The following DLC1 variants were observed in gnomAD, a reference collection of about 807,000 sequenced individuals.
The protein encoded by DLC1 is DLC1 Rho GTPase activating protein.
DLC1 carries 54 observed loss-of-function variants against 140.3 expected under a neutral mutation model. The observed-to-expected ratio is 0.38, with a 90% CI of 0.31 to 0.48. The LOEUF (loss-of-function observed/expected upper bound fraction) is 0.48, where lower values mean the gene tolerates loss of function less well. Ranked by LOEUF, DLC1 falls within the 20% of genes least tolerant of loss-of-function variation. The probability of loss-of-function intolerance (pLI) is 0.96; values close to 1 mark genes in which losing one functional copy is unlikely to be tolerated. For synonymous variants in DLC1, 986 were observed against 728.1 expected (o/e 1.35, Z -5.70); for missense variants, 2,536 against 1,907.0 (o/e 1.33, Z -6.14).
rs1210476389 is a variant in DLC1 at position 13,099,442 on chromosome 8, G to A, written c.2895C>T (p.Asp965=). 1 of 1,614,142 alleles carries A rather than the reference G, an allele frequency of 6.2e-7. No homozygotes were observed. The highest frequency in any genetic ancestry group is 2.2e-5 in the East Asian group (1 of 44,872). Residue 965 remains aspartate, a synonymous_variant, in exon 9 of 18, where the codon GAC becomes GAT. Transcript: ENST00000276297. ...GTTCATTCAGGGAGTTGCCTGTGCT[G>A]TCCAGGTCGCTGGGTGTGGTTCGGT... ...DNDRTTPSDL[D]STGNSLNEPE...
At chr8:13,568,808 G>A (rs922713686) in intron 1 of DLC1, among the ~76,000 whole-genome samples, 1 of 152,206 alleles carries the variant, frequency 6.6e-6, no homozygotes, top group Non-Finnish European at 1.5e-5. Context: ...AGATGATTTA[G>A]TCATGTATTG....
chr8:13,247,120 G>A (rs907911811), intron 5 of DLC1, among the ~76,000 whole-genome samples: 1 of 152,154 alleles, frequency 6.6e-6, no homozygotes, highest in Non-Finnish European at 1.5e-5. Flanking sequence ...TTAGTGCATG[G>A]CCACTGAAAA....
intron 2 of DLC1, among the ~76,000 whole-genome samples, chr8:13,430,045 A>C (rs1029144355): frequency 2.0e-5 from 3 of 152,192 alleles, no homozygotes; most frequent in Admixed American, 1.3e-4. Flanking sequence ...TATGGTACCT[A>C]GGCCACACCC....
intron 2 of DLC1, among the ~76,000 whole-genome samples, chr8:13,424,635 C>T (rs554983524): frequency 3.9e-5 from 6 of 152,082 alleles, no homozygotes; most frequent in South Asian, 4.2e-4. Flanking sequence ...TGCAGTGCTG[C>T]GATCTTGGCT....
Position 13,386,461 on chromosome 8 carries a change from A to G in DLC1, c.1314+7092T>C, listed in dbSNP as rs560364957. On this transcript the variant is annotated intron_variant, in intron 4 of 17. Transcript: ENST00000276297. The stretch of plus-strand genomic sequence containing the variant: ...GTTATTCTCGACAGAATGAAATTCT[A>G]AGATTCAAAGTGGAAAGATGTATAT... 6.6e-5 allele frequency among the ~76,000 whole-genome samples: 10 copies of G among 152,230 alleles called. No individual in the cohort carries two copies. In the South Asian group the frequency reaches 1.9e-3, roughly 28 times the overall value.
At position 13,090,579 on chromosome 8, in the gene DLC1, T is replaced by G. The variant is rs576962983; in HGVS notation, c.3856-109A>C. 1.1e-5 allele frequency: 14 copies of G among 1,285,176 alleles called. No individual in the cohort carries two copies. The East Asian group carries it at 3.4e-4, about 31-fold the overall frequency. 79.6% of individuals were successfully genotyped at this position (1,285,176 alleles called of 1,614,324 possible). On this transcript the variant is annotated intron_variant, in intron 14 of 17. Coordinates refer to ENST00000276297, the MANE Select transcript of DLC1 (RefSeq NM_182643.3). ...AACAATGGCCTGGTCCTTAAAGCAG[T>G]GCAGGCATCTTCCCGCCGGAGGTGG...
chr8:13,401,326 G>A (rs1455050732), intron 3 of DLC1, 144 bp downstream of exon 3: 1 of 954,138 alleles, frequency 1.0e-6, no homozygotes, highest in African/African-American at 1.6e-5. Context: ...ATGCATAGAA[G>A]TATTTTGGTT....
In DLC1 at chr8:13,168,851, C is replaced by T. The variant is rs533432790; in HGVS notation, c.1349-53194G>A. On this transcript the variant is annotated intron_variant, in intron 5 of 17. Coordinates refer to ENST00000276297, the MANE Select transcript of DLC1 (RefSeq NM_182643.3). The stretch of plus-strand genomic sequence containing the variant: ...CTAAAACGGTCAAAATTCCCCACAG[C>T]AGTCAGGAAATGAAGTCGGTGATTA... Among the ~76,000 whole-genome samples, 351 of 152,324 alleles carry T rather than the reference C, an allele frequency of 2.3e-3. 6 individuals are homozygous for T. The highest frequency in any genetic ancestry group is 7.9e-3 in the African/African-American group (330 of 41,570).
At chr8:13,438,041 T>C (rs1839199977) in intron 2 of DLC1, among the ~76,000 whole-genome samples, 1 of 151,596 alleles carries the variant, frequency 6.6e-6, no homozygotes, top group Non-Finnish European at 1.5e-5. Context: ...TTTTTTACAG[T>C]ACCATACTAT....
At chr8:13,376,108 G>T (rs904083813) in intron 4 of DLC1, among the ~76,000 whole-genome samples, 1 of 152,096 alleles carries the variant, frequency 6.6e-6, no homozygotes, top group East Asian at 1.9e-4. Context: ...CGTGGCATCC[G>T]CTAGCTGAAG....
chr8:13,489,195 C>T (rs961038947), intron 2 of DLC1, among the ~76,000 whole-genome samples: 3 of 152,006 alleles, frequency 2.0e-5, no homozygotes, highest in African/African-American at 7.2e-5. Context: ...GATCTGCCTG[C>T]TTTGGCTCCC....
intron 5 of DLC1, among the ~76,000 whole-genome samples, chr8:13,188,106 A>T (rs28505628): frequency 0.056 from 7,631 of 135,888 alleles, 491 homozygotes; most frequent in African/African-American, 0.17. Flanking sequence ...TTTTTGAGAC[A>T]GAGTCTTGCT....
At chr8:13,200,813 G>T (rs934805613) in intron 5 of DLC1, among the ~76,000 whole-genome samples, 1 of 152,048 alleles carries the variant, frequency 6.6e-6, no homozygotes, top group Non-Finnish European at 1.5e-5. Flanking sequence ...GCCCAGGCTG[G>T]TCCGGAACTC....
At chr8:13,578,511 T>C (rs1018195158) in intron 1 of DLC1, among the ~76,000 whole-genome samples, 9 of 152,112 alleles carry the variant, frequency 5.9e-5, no homozygotes, top group Non-Finnish European at 1.2e-4. Context: ...AAGAGCTCAG[T>C]CCTACAAGGC....
At chr8:13,419,950 A>C (rs537002697) in intron 2 of DLC1, among the ~76,000 whole-genome samples, 1 of 152,048 alleles carries the variant, frequency 6.6e-6, no homozygotes, top group Non-Finnish European at 1.5e-5. Flanking sequence ...GGGAGAGTGT[A>C]TGTGTCGAGG....
intron 1 of DLC1, among the ~76,000 whole-genome samples, chr8:13,503,551 C>T (rs1378073583): frequency 6.6e-6 from 1 of 152,148 alleles, no homozygotes; most frequent in South Asian, 2.1e-4. Flanking sequence ...ATTTGGCCTG[C>T]CAATTGTTCT....
chr8:13,091,342 G>T lies in DLC1; in HGVS notation c.3831C>A (p.Ile1277=). ...CCTGGAAAAGCTTCTTGCACTCGGC[G>T]ATCATATGGGCCAGCCCTTGAGTGG... ...LAATQGLAHM[I]AECKKLFQVP... Residue 1277 remains isoleucine, a synonymous_variant, in exon 14 of 18, where the codon ATC becomes ATA. Transcript: ENST00000276297. The T allele has an allele frequency of 2.5e-6, 4 of 1,614,072 alleles. No homozygotes were observed. The South Asian group carries it at 4.4e-5, about 18-fold the overall frequency.
chr8:13,145,823 A>G (rs77572487), intron 5 of DLC1, among the ~76,000 whole-genome samples: 3,487 of 152,334 alleles, frequency 0.023, 59 homozygotes, highest in Non-Finnish European at 0.03. Flanking sequence ...TATAAGATCA[A>G]TATTCAGGAT....
At position 13,115,669 on chromosome 8, in the gene DLC1, C is replaced by T. The variant is rs773592886; in HGVS notation, c.1349-12G>A. ...CTTGGCTTCAATTTCTAGAACAGAA[C>T]AGAAGAAAGACAAAATTAGCCATGT... On this transcript the variant is annotated splice_polypyrimidine_tract_variant and intron_variant, in intron 5 of 17. Coordinates refer to ENST00000276297, the MANE Select transcript of DLC1 (RefSeq NM_182643.3). 3 of 1,612,662 alleles carry T rather than the reference C, an allele frequency of 1.9e-6. No homozygotes were observed. The highest frequency in any genetic ancestry group is 1.1e-5 in the South Asian group (1 of 90,618).
Sources: gnomAD v4.1 joint callset for allele counts (sites outside exome capture counted in the v4.1 genomes callset) on GRCh38, gnomAD v4.1.1 for gene constraint, MANE v1.5 for transcripts, NCBI Gene and HGNC (gene_info 2026-07-23, HGNC 2026-07-21) for gene names.